Variants in CCDC178 observed in about 807,000 individuals in gnomAD.
CCDC178 encodes coiled-coil domain containing 178.
Under a neutral mutation model 117.4 loss-of-function variants are expected in CCDC178, and 126 were observed. The observed-to-expected ratio is 1.07, with a 90% CI of 0.93 to 1.24. The LOEUF (loss-of-function observed/expected upper bound fraction) is 1.24. Ranked by LOEUF, CCDC178 falls within the 50% of genes most tolerant of loss-of-function variation. The probability of loss-of-function intolerance (pLI) is 0.00; values close to 1 mark genes in which losing one functional copy is unlikely to be tolerated. For missense variants in CCDC178, 1,030 were observed against 986.9 expected (o/e 1.04, Z -0.59); for synonymous variants, 283 against 313.4 (o/e 0.90, Z 1.02).
chr18:33,148,570 G>A (rs890252456), intron 20 of CCDC178, among the ~76,000 whole-genome samples: 3 of 152,012 alleles, frequency 2.0e-5, no homozygotes, highest in Non-Finnish European at 4.4e-5. Context: ...AAGATTTCAA[G>A]ATCTCAGAAT....
chr18:33,440,261 A>G (rs2064360384), intron 1 of CCDC178, among the ~76,000 whole-genome samples, 180 bp from the exon 2 acceptor site: 1 of 121,214 alleles, frequency 8.2e-6, no homozygotes, highest in African/African-American at 3.1e-5. Flanking sequence ...GCGGAGGGAG[A>G]CTCTGCTTCC....
intron 20 of CCDC178, among the ~76,000 whole-genome samples, chr18:33,116,543 G>T (rs2057858639): frequency 6.6e-6 from 1 of 152,142 alleles, no homozygotes; most frequent in Admixed American, 6.6e-5. Flanking sequence ...GGCAGCTGGA[G>T]TGAGTTCTCA....
At chr18:33,147,207 T>C (rs1216334515) in intron 20 of CCDC178, among the ~76,000 whole-genome samples, 1 of 150,298 alleles carries the variant, frequency 6.7e-6, no homozygotes, top group African/African-American at 2.5e-5. Flanking sequence ...GCTGGGAGTT[T>C]CAAATCAAAG....
chr18:33,145,922 T>A (rs1210409964), intron 20 of CCDC178, among the ~76,000 whole-genome samples: 1 of 152,188 alleles, frequency 6.6e-6, no homozygotes, highest in African/African-American at 2.4e-5. Context: ...TTGGGAAATG[T>A]TACAGGAAGC....
chr18:33,005,901 A>T (rs1193095266), intron 21 of CCDC178, among the ~76,000 whole-genome samples: 1 of 152,090 alleles, frequency 6.6e-6, no homozygotes, highest in Non-Finnish European at 1.5e-5. Flanking sequence ...AAATGTAAAC[A>T]TGCCACATGC....
In CCDC178 at chr18:33,429,811, AC is replaced by A. The variant is rs574316370; in HGVS notation, c.-23+10150del. Among the ~76,000 whole-genome samples, 283 of 152,318 alleles carry A rather than the reference AC, an allele frequency of 1.9e-3. 2 individuals are homozygous for A. Among genetic ancestry groups the A allele is most frequent in the African/African-American group, 6.6e-3 (275 of 41,588 alleles). ...ATAGAGAGTATTTGCAACCCTGGGA[AC>A]CAAAGAAAGAAGCTATTTCTTAACA... On this transcript the variant is annotated intron_variant, in intron 2 of 22. Coordinates refer to ENST00000383096, the MANE Select transcript of CCDC178 (RefSeq NM_001105528.4).
At chr18:33,439,115 G>T (rs2064338334) in intron 2 of CCDC178, among the ~76,000 whole-genome samples, 1 of 152,210 alleles carries the variant, frequency 6.6e-6, no homozygotes, top group Non-Finnish European at 1.5e-5. Context: ...TTCTTTATAG[G>T]TGCAAGTTTG....
At chr18:33,392,069 T>C (rs1019752032) in intron 4 of CCDC178, among the ~76,000 whole-genome samples, 2 of 151,984 alleles carry the variant, frequency 1.3e-5, no homozygotes, top group East Asian at 3.9e-4. Flanking sequence ...TTTGTCATGT[T>C]GGCAAGGCTG....
chr18:33,212,003 C>G lies in CCDC178; in HGVS notation c.2131G>C (p.Asp711His). Reference protein sequence around the residue: ...FKREHAQTVFDHYMQEKKDCE... With the variant: ...FKREHAQTVFHHYMQEKKDCE... ...TCTTTTTTCTCTTGCATATAATGAT[C>G]AAACACAGTTTGTGCATGTTCCCTT... Residue 711 changes from aspartate (D) to histidine (H), a missense_variant, in exon 20 of 23, where the codon GAT (aspartate) becomes CAT (histidine). Asp to His is a moderately conservative substitution (Grantham distance 81). Transcript: ENST00000383096. 1 of 1,606,598 alleles carries G rather than the reference C, an allele frequency of 6.2e-7. No homozygotes were observed. The highest frequency in any genetic ancestry group is 8.5e-7 in the Non-Finnish European group (1 of 1,176,538).
At chr18:33,335,856 C>T (rs73421861) in intron 9 of CCDC178, among the ~76,000 whole-genome samples, 2,670 of 152,036 alleles carry the variant, frequency 0.018, 63 homozygotes, top group African/African-American at 0.054. Flanking sequence ...CTGATTCATA[C>T]CCATTGAACC....
chr18:33,048,572 ATTTACAGGTAGT>A (rs1259389248), intron 21 of CCDC178, among the ~76,000 whole-genome samples: 1 of 152,128 alleles, frequency 6.6e-6, no homozygotes, highest in Admixed American at 6.5e-5. Context: ...TGTGTTTTTA[ATTTACAGGTAGT>A]TTTAGACACA....
At chr18:33,046,447 C>T (rs2056644742) in intron 21 of CCDC178, among the ~76,000 whole-genome samples, 1 of 151,998 alleles carries the variant, frequency 6.6e-6, no homozygotes, top group Non-Finnish European at 1.5e-5. Flanking sequence ...TTCTCATATA[C>T]TACTGTTTTA....
At chr18:33,282,995 C>A (rs1322707443) in intron 12 of CCDC178, among the ~76,000 whole-genome samples, 3 of 152,174 alleles carry the variant, frequency 2.0e-5, no homozygotes, top group Non-Finnish European at 2.9e-5. Flanking sequence ...CACAGAGTCT[C>A]CAGCAGGGGC....
intron 2 of CCDC178, among the ~76,000 whole-genome samples, chr18:33,429,853 T>C (rs1456790597): frequency 6.6e-6 from 1 of 152,174 alleles, no homozygotes; most frequent in Non-Finnish European, 1.5e-5. Context: ...AAGCTTAAAC[T>C]TGAGATAGCA....
chr18:33,266,814 A>G (rs1347347110), intron 14 of CCDC178, 102 bp downstream of exon 14: 12 of 1,179,600 alleles, frequency 1.0e-5, no homozygotes, highest in Non-Finnish European at 1.4e-5. Context: ...ACTGATAAAC[A>G]AAAACACCAC....
intron 2 of CCDC178, among the ~76,000 whole-genome samples, chr18:33,416,271 C>G (rs959500094): frequency 6.6e-6 from 1 of 151,896 alleles, no homozygotes; most frequent in African/African-American, 2.4e-5. Context: ...ACTAAAAATA[C>G]AAAAAATTAG....
chr18:32,983,250 G>A (rs749047569), intron 21 of CCDC178: 44 of 1,233,358 alleles, frequency 3.6e-5, no homozygotes, highest in Middle Eastern at 1.8e-4. Flanking sequence ...AAAGATGCAC[G>A]TGTATGCATG....
intron 22 of CCDC178, among the ~76,000 whole-genome samples, chr18:32,968,181 T>C (rs545714193): frequency 1.3e-5 from 2 of 152,038 alleles, no homozygotes; most frequent in South Asian, 4.1e-4. Context: ...ATAATCACTG[T>C]TCTACTCTCT....
At chr18:33,019,732 A>G (rs974576262) in intron 21 of CCDC178, among the ~76,000 whole-genome samples, 2 of 152,084 alleles carry the variant, frequency 1.3e-5, no homozygotes, top group Admixed American at 6.6e-5. Context: ...TAATATCACC[A>G]GTGATAAAAT....
Sources: allele counts gnomAD v4.1 joint callset (sites outside exome capture counted in the v4.1 genomes callset), GRCh38; gene constraint gnomAD v4.1.1; transcripts MANE v1.5; gene names NCBI Gene and HGNC (gene_info 2026-07-23, HGNC 2026-07-21).